Variants in FAM117B observed in about 807,000 individuals in gnomAD.
The protein encoded by FAM117B is protein FAM117B.
Under a neutral mutation model 52.8 loss-of-function variants are expected in FAM117B, and 22 were observed. That is an observed-to-expected ratio of 0.42 (90% CI 0.30 to 0.59). The LOEUF (loss-of-function observed/expected upper bound fraction) is 0.59, where lower values mean the gene tolerates loss of function less well. FAM117B is among the 20% of genes least tolerant of loss of function. FAM117B has a pLI of 0.22. For synonymous variants in FAM117B, 309 were observed against 324.1 expected (o/e 0.95, Z 0.50); for missense variants, 678 against 802.6 (o/e 0.84, Z 1.88).
chr2:202,701,668 CCTCATGGATGA>C (rs1690797190), intron 2 of FAM117B, among the ~76,000 whole-genome samples: 1 of 152,110 alleles, frequency 6.6e-6, no homozygotes, highest in Non-Finnish European at 1.5e-5. Flanking sequence ...TGATTCCAAG[CCTCATGGATGA>C]CTTTGAGGGT....
At chr2:202,745,106 C>G (rs1293413789) in intron 4 of FAM117B, among the ~76,000 whole-genome samples, 3 of 151,160 alleles carry the variant, frequency 2.0e-5, no homozygotes, top group Non-Finnish European at 1.5e-5. Flanking sequence ...ATGACAAAAC[C>G]CTGTCTCTAC....
intron 1 of FAM117B, among the ~76,000 whole-genome samples, chr2:202,679,566 T>TA (rs1452162952): frequency 6.6e-6 from 1 of 152,214 alleles, no homozygotes; most frequent in Non-Finnish European, 1.5e-5. Context: ...GTTAAGCACT[T>TA]ACCAGAGTGC....
At chr2:202,695,539 T>G (rs1192171089) in intron 1 of FAM117B, among the ~76,000 whole-genome samples, 1 of 152,192 alleles carries the variant, frequency 6.6e-6, no homozygotes, top group Non-Finnish European at 1.5e-5. Context: ...TTCGAGGAAT[T>G]TTTGTTTTAC....
intron 4 of FAM117B, among the ~76,000 whole-genome samples, chr2:202,751,020 T>C (rs1574303894): frequency 6.6e-6 from 1 of 152,316 alleles, no homozygotes; most frequent in Non-Finnish European, 1.5e-5. Flanking sequence ...AGAGAAATTA[T>C]AGAATTTATT....
chr2:202,639,314 G>C (rs1424218537), intron 1 of FAM117B, among the ~76,000 whole-genome samples: 1 of 152,180 alleles, frequency 6.6e-6, no homozygotes, highest in Non-Finnish European at 1.5e-5. Flanking sequence ...TTCTTCTAGG[G>C]TTAGAGCTAA....
rs1239624112 is a variant in FAM117B, at chr2:202,679,082, A to T, written c.602-16799A>T. Reference sequence around the variant, plus strand: ...TACATTAATATTTGGACATGAAGAGACTTCTATTTCTGGCCATGATGGAGA... The same window carrying T: ...TACATTAATATTTGGACATGAAGAGTCTTCTATTTCTGGCCATGATGGAGA... On this transcript the variant is annotated intron_variant, in intron 1 of 7. Coordinates refer to ENST00000392238, the MANE Select transcript of FAM117B (RefSeq NM_173511.4). 2.0e-5 allele frequency among the ~76,000 whole-genome samples: 3 copies of T among 152,240 alleles called. No individual in the cohort carries two copies. The East Asian group carries it at 5.8e-4, about 29-fold the overall frequency.
At chr2:202,706,835 T>A (rs573880192) in intron 2 of FAM117B, among the ~76,000 whole-genome samples, 9 of 152,278 alleles carry the variant, frequency 5.9e-5, no homozygotes, top group African/African-American at 1.9e-4. Context: ...AATGTTAAAA[T>A]CTTTTTTTGG....
At chr2:202,759,511 C>G (rs1691851460) in intron 7 of FAM117B, among the ~76,000 whole-genome samples, 158 bp downstream of exon 7, 1 of 151,992 alleles carries the variant, frequency 6.6e-6, no homozygotes, top group African/African-American at 2.4e-5. Flanking sequence ...CCCACCTCAA[C>G]CTCCCAAGTA....
intron 1 of FAM117B, among the ~76,000 whole-genome samples, chr2:202,657,988 C>T (rs1343527868): frequency 1.3e-5 from 2 of 152,140 alleles, no homozygotes; most frequent in South Asian, 4.1e-4. Flanking sequence ...AGGTGAAATG[C>T]AGAAATCACA....
At chr2:202,691,698 TGCGC>T (rs959181905) in intron 1 of FAM117B, among the ~76,000 whole-genome samples, 5 of 131,162 alleles carry the variant, frequency 3.8e-5, no homozygotes, top group African/African-American at 1.5e-4. Context: ...TGTGTGTGTG[TGCGC>T]GCGCGCCTCC....
At position 202,635,556 on chromosome 2, in the gene FAM117B, C is replaced by T; in HGVS notation, c.369C>T (p.Thr123=). ...TGASATSTRG[T]SPTRSAAPGA... The stretch of plus-strand genomic sequence containing the variant: ...CGTCCGCGACGTCCACGCGAGGCAC[C>T]AGCCCCACGCGCAGCGCCGCGCCTG... The change falls in exon 1 of 8, where the codon ACC becomes ACT. Residue 123 remains threonine (T), a synonymous_variant. Coordinates refer to ENST00000392238, the MANE Select transcript of FAM117B (RefSeq NM_173511.4). 1 of 1,206,806 alleles carries T rather than the reference C, an allele frequency of 8.3e-7. No individual in the cohort carries two copies. The highest frequency in any genetic ancestry group is 1.0e-6 in the Non-Finnish European group (1 of 975,086). The allele number at this position is 1,206,806 out of a possible 1,614,324, so 74.8% of individuals were successfully genotyped here.
chr2:202,697,156 C>A (rs1690723509), intron 2 of FAM117B, among the ~76,000 whole-genome samples: 1 of 152,186 alleles, frequency 6.6e-6, no homozygotes, highest in Admixed American at 6.5e-5. Context: ...GATCATACAG[C>A]CAGTTGAAGA....
chr2:202,762,355 C>T (rs527557518), intron 7 of FAM117B, among the ~76,000 whole-genome samples: 31 of 152,114 alleles, frequency 2.0e-4, no homozygotes, highest in African/African-American at 7.2e-4. Context: ...TTTGTACTTC[C>T]GTCTCTATAA....
At chr2:202,665,102 G>C (rs977199532) in intron 1 of FAM117B, among the ~76,000 whole-genome samples, 11 of 152,172 alleles carry the variant, frequency 7.2e-5, no homozygotes, top group Middle Eastern at 3.4e-3. Flanking sequence ...CTGCATTGTC[G>C]TGGACTGTTA....
chr2:202,652,596 C>A (rs575162375), intron 1 of FAM117B, among the ~76,000 whole-genome samples: 2 of 152,088 alleles, frequency 1.3e-5, no homozygotes, highest in Admixed American at 6.5e-5. Flanking sequence ...CTGATATGGC[C>A]GTATGTGGCT....
intron 2 of FAM117B, among the ~76,000 whole-genome samples, chr2:202,703,982 G>A (rs1690835592): frequency 6.6e-6 from 1 of 152,114 alleles, no homozygotes; most frequent in Non-Finnish European, 1.5e-5. Flanking sequence ...ACACTTGTTT[G>A]AAAAATTATA....
chr2:202,713,222 T>C (rs1173202252), intron 2 of FAM117B, among the ~76,000 whole-genome samples: 6 of 152,194 alleles, frequency 3.9e-5, no homozygotes, highest in Non-Finnish European at 8.8e-5. Context: ...TATTGGTCTG[T>C]TCAGGTTTTG....
At chr2:202,683,557 T>C (rs1182443710) in intron 1 of FAM117B, among the ~76,000 whole-genome samples, 2 of 152,076 alleles carry the variant, frequency 1.3e-5, no homozygotes, top group African/African-American at 4.8e-5. Context: ...GCCAATAAAT[T>C]CAACAAGATG....
chr2:202,638,807 T>G (rs957610839), intron 1 of FAM117B, among the ~76,000 whole-genome samples: 1 of 152,198 alleles, frequency 6.6e-6, no homozygotes, highest in Non-Finnish European at 1.5e-5. Context: ...ACTCTTATTT[T>G]TCTAGTGCAG....
Sources: gnomAD v4.1 joint callset for allele counts (sites outside exome capture counted in the v4.1 genomes callset) on GRCh38, gnomAD v4.1.1 for gene constraint, MANE v1.5 for transcripts, NCBI Gene and HGNC (gene_info 2026-07-23, HGNC 2026-07-21) for gene names.